The following CACNA1B variants were observed in gnomAD, a reference collection of about 807,000 sequenced individuals.
CACNA1B encodes voltage-dependent N-type calcium channel subunit alpha-1B.
Under a neutral mutation model 247.2 loss-of-function variants are expected in CACNA1B, and 70 were observed. The ratio of observed to expected loss-of-function variants is 0.28; its 90% CI spans 0.23 to 0.35. The LOEUF (loss-of-function observed/expected upper bound fraction) is 0.35. CACNA1B is among the 10% of genes least tolerant of loss of function. CACNA1B has a pLI of 1.00. For missense variants in CACNA1B, 2,367 were observed against 3,197.4 expected, an observed-to-expected ratio of 0.74 and a Z score of 6.26; for synonymous variants, 1,231 against 1,294.4, an observed-to-expected ratio of 0.95 and a Z score of 1.05.
intron 31 of CACNA1B, among the ~76,000 whole-genome samples, chr9:138,066,578 G>A (rs550018797): frequency 6.6e-6 from 1 of 152,128 alleles, no homozygotes; most frequent in African/African-American, 2.4e-5. Flanking sequence ...GCGATCACAG[G>A]GCCTGTGTGG....
In CACNA1B at chr9:138,029,822, C is replaced by G. The variant is rs570290150; in HGVS notation, c.3286+4650C>G. Among the ~76,000 whole-genome samples the G allele has an allele frequency of 9.2e-5, 14 of 152,144 alleles. No individual in the cohort carries two copies. In the South Asian group the frequency reaches 2.9e-3, roughly 32 times the overall value. The stretch of plus-strand genomic sequence containing the variant: ...TAGAGATGGGGTTTCACCATGTTGG[C>G]CAGGCTGGTTTCGAACTCCTGACCT... On this transcript the variant is annotated intron_variant, in intron 20 of 46. Coordinates refer to ENST00000371372, the MANE Select transcript of CACNA1B (RefSeq NM_000718.4).
At chr9:137,900,605 G>C (rs1441601227) in intron 3 of CACNA1B, among the ~76,000 whole-genome samples, 2 of 150,978 alleles carry the variant, frequency 1.3e-5, no homozygotes, top group African/African-American at 4.9e-5. Context: ...TCTGTGCCGT[G>C]TGTCTCTGTG....
At chr9:137,981,330 T>C (rs1291996097) in intron 12 of CACNA1B, among the ~76,000 whole-genome samples, 1 of 152,194 alleles carries the variant, frequency 6.6e-6, no homozygotes. Flanking sequence ...AACCAGCAAG[T>C]CCTGGCTTCC....
intron 40 of CACNA1B, among the ~76,000 whole-genome samples, chr9:138,113,858 G>GAACAC (rs1238562165): frequency 6.9e-6 from 1 of 145,242 alleles, no homozygotes; most frequent in African/African-American, 2.7e-5. Flanking sequence ...AGACGTGAGG[G>GAACAC]AGTGCCGGGA....
In CACNA1B at chr9:137,882,054, G is replaced by T. The variant is rs1956929677; in HGVS notation, c.391-690G>T. Among the ~76,000 whole-genome samples, 1 of 152,186 alleles carries T rather than the reference G, an allele frequency of 6.6e-6. No homozygotes were observed. The highest frequency in any genetic ancestry group is 1.5e-5 in the Non-Finnish European group (1 of 68,036). ...CTCCAGGGTCCTCACAGATGTGGCG[G>T]TCGTCGCTCAGCACACTCAGGGCTG... is the stretch of plus-strand genomic sequence containing the variant. On this transcript the variant is annotated intron_variant, in intron 2 of 46. Transcript: ENST00000371372. The surrounding 1 kb of genome is among the most constrained non-coding windows in gnomAD (Gnocchi z 4.0).
At chr9:138,017,129 G>A (rs779511266) in intron 18 of CACNA1B, 5 of 518,830 alleles carry the variant, frequency 9.6e-6, no homozygotes, top group Non-Finnish European at 1.5e-5. Flanking sequence ...TCTGTTTTTT[G>A]CATGTGCAGT....
chr9:137,913,152 C>A lies in CACNA1B; in HGVS notation c.531-28C>A. The stretch of plus-strand genomic sequence containing the variant: ...TCCAGGCTCAATGTGGAAACCTTTA[C>A]TTCCCTTCTTCTCCTTGTTTCTGCC... On this transcript the variant is annotated intron_variant, in intron 3 of 46. Coordinates refer to ENST00000371372, the MANE Select transcript of CACNA1B (RefSeq NM_000718.4). The surrounding 1 kb of genome is among the most constrained non-coding windows in gnomAD (Gnocchi z 5.2). 1.3e-6 allele frequency: 2 copies of A among 1,568,352 alleles called. No homozygotes were observed. Among genetic ancestry groups the A allele is most frequent in the Non-Finnish European group, 1.8e-6 (2 of 1,138,934 alleles).
intron 12 of CACNA1B, among the ~76,000 whole-genome samples, chr9:137,976,563 A>G (rs1379353267): frequency 2.3e-4 from 29 of 124,162 alleles, no homozygotes; most frequent in Middle Eastern, 6.5e-3. Context: ...TGACAGTTGA[A>G]CACAGACGGC....
At chr9:138,062,308 C>G (rs1959753828) in intron 31 of CACNA1B, among the ~76,000 whole-genome samples, 1 of 152,168 alleles carries the variant, frequency 6.6e-6, no homozygotes, top group African/African-American at 2.4e-5. Context: ...ACCAGTATAC[C>G]AAGCAACCCA....
chr9:138,000,368 G>A (rs939823180), intron 15 of CACNA1B, among the ~76,000 whole-genome samples: 3 of 152,236 alleles, frequency 2.0e-5, no homozygotes, highest in Admixed American at 2.0e-4. Context: ...AAAGTGCTGG[G>A]ATTACAGACA....
intron 6 of CACNA1B, among the ~76,000 whole-genome samples, chr9:137,920,561 CTT>C (rs1957466305): frequency 6.6e-6 from 1 of 152,212 alleles, no homozygotes; most frequent in Non-Finnish European, 1.5e-5. Context: ...AGAACTTCGC[CTT>C]ACCCAGGAGC....
chr9:137,970,977 T>A (rs1958139634), intron 10 of CACNA1B, among the ~76,000 whole-genome samples: 1 of 152,170 alleles, frequency 6.6e-6, no homozygotes, highest in East Asian at 1.9e-4. Context: ...GAGGGCCAGA[T>A]GCTGCAGGGC....
chr9:138,028,187 T>C (rs559687233), intron 20 of CACNA1B, among the ~76,000 whole-genome samples: 1 of 151,920 alleles, frequency 6.6e-6, no homozygotes. Flanking sequence ...CACACCTGGC[T>C]AATTTTTGTA....
At position 138,014,691 on chromosome 9, in the gene CACNA1B, G is replaced by A. The variant is rs1257715610; in HGVS notation, c.2267+1456G>A. On this transcript the variant is annotated intron_variant, in intron 18 of 46. Transcript: ENST00000371372. This position sits in a 1 kb window ranked among gnomAD's most constrained non-coding sequence, Gnocchi z 6.2. ...TGGTGTGTTCAGCTCCTGGCCTCGC[G>A]CAGGCCTCGTGTTGTTCTCCTGAAG... Among the ~76,000 whole-genome samples, 4 of 152,102 alleles carry A rather than the reference G, an allele frequency of 2.6e-5. No homozygotes were observed. The highest frequency in any genetic ancestry group is 4.1e-4 in the South Asian group (2 of 4,826).
chr9:138,065,959 C>CA (rs1432894974), intron 31 of CACNA1B, among the ~76,000 whole-genome samples: 2 of 152,172 alleles, frequency 1.3e-5, no homozygotes, highest in African/African-American at 2.4e-5. Flanking sequence ...AGAATCTGTC[C>CA]AGTGAGCCAC....
rs556692282 is a variant in CACNA1B, at chr9:137,979,422, A to T, written c.1656+3403A>T. 2.0e-5 allele frequency among the ~76,000 whole-genome samples: 3 copies of T among 152,292 alleles called. No individual in the cohort carries two copies. In the South Asian group the frequency reaches 6.2e-4, roughly 32 times the overall value. On this transcript the variant is annotated intron_variant, in intron 12 of 46. Coordinates refer to ENST00000371372, the MANE Select transcript of CACNA1B (RefSeq NM_000718.4). ...GAGGGAGAGAACTGAGAGTATGTAC[A>T]TAAGACAGAAGTTATAGAAACCCTG...
At chr9:138,107,308 G>A (rs1322808096) in intron 39 of CACNA1B, among the ~76,000 whole-genome samples, 2 of 151,028 alleles carry the variant, frequency 1.3e-5, no homozygotes, top group African/African-American at 4.9e-5. Flanking sequence ...GTGCAGTGGT[G>A]CAGTCACGGC....
At chr9:137,886,600 G>T (rs1422109362) in intron 3 of CACNA1B, among the ~76,000 whole-genome samples, 1 of 151,146 alleles carries the variant, frequency 6.6e-6, no homozygotes, top group Non-Finnish European at 1.5e-5. Context: ...ATGTTCTGGG[G>T]ACAAGACACC....
chr9:138,010,126 T>A lies in CACNA1B; in HGVS notation c.2160+49T>A. On this transcript the variant is annotated intron_variant, in intron 17 of 46. Transcript: ENST00000371372. The surrounding 1 kb of genome is among the most constrained non-coding windows in gnomAD (Gnocchi z 5.3). Reference sequence around the variant, plus strand: ...GGTGTCAGCCCATGTCACTTGAATGTGGCCGCAGCCAGGAAGAGTCTGGGT... The same window carrying A: ...GGTGTCAGCCCATGTCACTTGAATGAGGCCGCAGCCAGGAAGAGTCTGGGT... 6.8e-7 allele frequency: 1 copy of A among 1,473,992 alleles called. No homozygotes were observed. The highest frequency in any genetic ancestry group is 9.5e-7 in the Non-Finnish European group (1 of 1,052,842). 91.3% of individuals were successfully genotyped at this position (1,473,992 alleles called of 1,614,324 possible).
Sources: gnomAD v4.1 joint callset for allele counts (sites outside exome capture counted in the v4.1 genomes callset) on GRCh38, gnomAD v4.1.1 for gene constraint, Gnocchi (gnomAD v3.1) non-coding constraint, MANE v1.5 for transcripts, NCBI Gene and HGNC (gene_info 2026-07-23, HGNC 2026-07-21) for gene names.